Variants in DGCR8 observed in about 807,000 individuals in gnomAD.
The protein encoded by DGCR8 is microprocessor complex subunit DGCR8.
A neutral mutation model predicts 78.5 loss-of-function variants in DGCR8; 14 were observed. The observed-to-expected ratio is 0.18, with a 90% CI of 0.12 to 0.28. The LOEUF (loss-of-function observed/expected upper bound fraction) is 0.28. DGCR8 is among the 10% of genes least tolerant of loss of function. The pLI, the probability that DGCR8 is intolerant of heterozygous loss-of-function variation, is 1.00. For missense variants in DGCR8, 702 were observed against 1,022.5 expected (o/e 0.69, Z 4.28); for synonymous variants, 399 against 402.4 (o/e 0.99, Z 0.10).
At chr22:20,100,464 A>G (rs2049684680) in intron 9 of DGCR8, 1 of 985,242 alleles carries the variant, frequency 1.0e-6, no homozygotes, top group Non-Finnish European at 1.2e-6. Flanking sequence ...ACCCTGGCCC[A>G]CCAAAACTCT....
Position 20,110,454 on chromosome 22 carries a change from C to G in DGCR8, c.*346C>G, listed in dbSNP as rs565598322. On this transcript the variant is annotated 3_prime_UTR_variant, in exon 14 of 14. Coordinates refer to ENST00000351989, the MANE Select transcript of DGCR8 (RefSeq NM_022720.7). Reference sequence around the variant, plus strand: ...CTTTCATGAATTTTAGTATGTAATACGCACTGACGACACATGATGCTTGGA... The same window carrying G: ...CTTTCATGAATTTTAGTATGTAATAGGCACTGACGACACATGATGCTTGGA... 1.7e-5 allele frequency: 4 copies of G among 234,504 alleles called. No individual in the cohort carries two copies. Among genetic ancestry groups the G allele is most frequent in the African/African-American group, 9.1e-5 (4 of 43,966 alleles). The allele number at this position is 234,504 out of a possible 1,614,324, so 14.5% of individuals were successfully genotyped here. A position where few individuals can be genotyped will look rare whatever the true frequency, so the allele number is the denominator to read the frequency against.
intron 9 of DGCR8, among the ~76,000 whole-genome samples, chr22:20,095,268 G>T (rs2049614686): frequency 6.6e-6 from 1 of 152,084 alleles, no homozygotes; most frequent in South Asian, 2.1e-4. Context: ...ACCATTTCTG[G>T]CTAATTTTTG....
chr22:20,105,554 CTG>C (rs1352812274), intron 9 of DGCR8, among the ~76,000 whole-genome samples: 2 of 152,256 alleles, frequency 1.3e-5, no homozygotes, highest in Non-Finnish European at 2.9e-5. Context: ...CTATGCCTCA[CTG>C]TGTGGAATCT....
chr22:20,087,094 T>C lies in DGCR8; in HGVS notation c.721-68T>C. ...TTTCTGTGTCTGTTCTCAGGAATGC[T>C]GTTGAGCTCTCCTGTTGCAGGAGCA... is the stretch of plus-strand genomic sequence containing the variant. On this transcript the variant is annotated intron_variant, in intron 2 of 13. Transcript: ENST00000351989. This position sits in a 1 kb window ranked among gnomAD's most constrained non-coding sequence, Gnocchi z 4.1. 9 of 1,542,830 alleles carry C rather than the reference T, an allele frequency of 5.8e-6. No homozygotes were observed. The highest frequency in any genetic ancestry group is 1.2e-5 in the South Asian group (1 of 80,594).
Position 20,086,120 on chromosome 22 carries a change from T to G in DGCR8, c.157T>G (p.Ser53Ala). The change falls in exon 2 of 14, where the codon TCT becomes GCT. Residue 53 changes from serine (S) to alanine (A), a missense_variant. Around this residue, in one of 4 missense-constraint regions of DGCR8, gnomAD observed 356 missense variants for 448.9 expected, o/e 0.79. Transcript: ENST00000351989. The surrounding 1 kb of genome is among the most constrained non-coding windows in gnomAD (Gnocchi z 6.4). ...TGGTGCAGAGGTAATGGACGTTGGCTCTGGTGGTGATGGACAGTCCGAACT... is the reference window on the plus strand; with the variant it reads ...TGGTGCAGAGGTAATGGACGTTGGCGCTGGTGGTGATGGACAGTCCGAACT... ...SSGAEVMDVGSGGDGQSELPA... is the reference protein window; with the variant it reads ...SSGAEVMDVGAGGDGQSELPA... 1 of 1,614,080 alleles carries G rather than the reference T, an allele frequency of 6.2e-7. No individual in the cohort carries two copies. Among genetic ancestry groups the G allele is most frequent in the Non-Finnish European group, 8.5e-7 (1 of 1,180,010 alleles).
At position 20,089,770 on chromosome 22, in the gene DGCR8, A is replaced by G; in HGVS notation, c.982A>G (p.Thr328Ala). The change falls in exon 4 of 14, where the codon ACC (threonine) becomes GCC (alanine). Residue 328 changes from threonine to alanine, a missense_variant. This residue lies in a region of DGCR8 where 356 missense variants were observed against 448.9 expected (regional missense o/e 0.79). Transcript: ENST00000351989. The surrounding 1 kb of genome is among the most constrained non-coding windows in gnomAD (Gnocchi z 4.9). ...VYLHRESRVVTWSRPYFLGTG... is the reference protein window; with the variant it reads ...VYLHRESRVVAWSRPYFLGTG... ...CCTACACAGAGAGTCTCGGGTGGTC[A>G]CCTGGTCCAGGCCATACTTCTTGGG... 6.2e-7 allele frequency: 1 copy of G among 1,613,840 alleles called. No individual in the cohort carries two copies. The highest frequency in any genetic ancestry group is 8.5e-7 in the Non-Finnish European group (1 of 1,179,966).
intron 9 of DGCR8, among the ~76,000 whole-genome samples, chr22:20,104,348 T>C (rs988076046): frequency 5.9e-5 from 9 of 151,936 alleles, no homozygotes; most frequent in Admixed American, 1.3e-4. Flanking sequence ...TTTGTATTTT[T>C]AGTAGAGACG....
At chr22:20,106,725 T>C in intron 11 of DGCR8, 27 bp downstream of exon 11, 1 of 1,552,838 alleles carries the variant, frequency 6.4e-7, no homozygotes, top group Non-Finnish European at 8.9e-7. Context: ...TGCTGCCTGG[T>C]GGCCGCTGGG....
intron 7 of DGCR8, 68 bp downstream of exon 7, chr22:20,092,038 G>A: frequency 7.9e-7 from 1 of 1,261,042 alleles, no homozygotes; most frequent in Non-Finnish European, 1.1e-6. Context: ...GGGCTGGGGA[G>A]GCAGGCGCTG....
In DGCR8 at chr22:20,087,411, G is replaced by C; in HGVS notation, c.880+90G>C. The C allele has an allele frequency of 6.9e-7, 1 of 1,442,992 alleles. No individual in the cohort carries two copies. The allele number at this position is 1,442,992 out of a possible 1,614,324, so 89.4% of individuals were successfully genotyped here. ...AGAAATGCTTTGAGAGAGCTCTGGT[G>C]CCAGGTAGTGGGCTGGGTGGAGGCA... On this transcript the variant is annotated intron_variant, in intron 3 of 13. Coordinates refer to ENST00000351989, the MANE Select transcript of DGCR8 (RefSeq NM_022720.7). The surrounding 1 kb of genome is among the most constrained non-coding windows in gnomAD (Gnocchi z 4.1).
chr22:20,105,122 A>C (rs2049754319), intron 9 of DGCR8, among the ~76,000 whole-genome samples: 1 of 152,216 alleles, frequency 6.6e-6, no homozygotes, highest in Admixed American at 6.5e-5. Context: ...GAATTAGGTT[A>C]ACATGAGATC....
At chr22:20,083,771 C>T (rs2049444843) in intron 1 of DGCR8, among the ~76,000 whole-genome samples, 1 of 152,088 alleles carries the variant, frequency 6.6e-6, no homozygotes, top group Admixed American at 6.6e-5. Context: ...TGGCACTGGG[C>T]GCATTGACCC....
Position 20,106,381 on chromosome 22 carries a change from G to T in DGCR8, c.1889+104G>T, listed in dbSNP as rs962712833. The T allele has an allele frequency of 9.7e-6, 10 of 1,034,564 alleles. No homozygotes were observed. The African/African-American group carries it at 1.4e-4, about 15-fold the overall frequency. The allele number at this position is 1,034,564 out of a possible 1,614,324, so 64.1% of individuals were successfully genotyped here. On this transcript the variant is annotated intron_variant, in intron 10 of 13. Transcript: ENST00000351989. ...TGTCCCAAGGCAGAGGCATGGCCAGGTTTCCCTGGGTACACAGCAGCCCCT... is the reference window on the plus strand; with the variant it reads ...TGTCCCAAGGCAGAGGCATGGCCAGTTTTCCCTGGGTACACAGCAGCCCCT...
intron 9 of DGCR8, chr22:20,101,441 G>A: frequency 2.3e-5 from 15 of 661,540 alleles, no homozygotes; most frequent in Non-Finnish European, 2.8e-5. Context: ...AGCCGGGCAT[G>A]GTGGTGGGCG....
At chr22:20,088,200 G>C (rs995621162) in intron 3 of DGCR8, among the ~76,000 whole-genome samples, 1 of 152,176 alleles carries the variant, frequency 6.6e-6, no homozygotes, top group African/African-American at 2.4e-5. Flanking sequence ...ATGTCGTGTT[G>C]GTAGCAGTTA....
At chr22:20,103,774 G>A (rs2049735087) in intron 9 of DGCR8, among the ~76,000 whole-genome samples, 1 of 152,208 alleles carries the variant, frequency 6.6e-6, no homozygotes, top group African/African-American at 2.4e-5. Context: ...TAATGGGAAA[G>A]TTTTAAACTA....
intron 1 of DGCR8, chr22:20,084,882 C>G (rs772644404): frequency 9.8e-6 from 7 of 717,624 alleles, no homozygotes; most frequent in Non-Finnish European, 1.2e-5. Flanking sequence ...TGGGTCTCCC[C>G]TCTCAAGTAG....
intron 9 of DGCR8, among the ~76,000 whole-genome samples, chr22:20,102,386 T>TTTG (rs1258599867): frequency 6.6e-6 from 1 of 152,150 alleles, no homozygotes; most frequent in Non-Finnish European, 1.5e-5. Flanking sequence ...CGTGTGGTCA[T>TTTG]TTGTACTCCT....
In DGCR8 at chr22:20,085,437, A is replaced by G. The variant is rs1295686360; in HGVS notation, c.-277-250A>G. On this transcript the variant is annotated intron_variant, in intron 1 of 13. Transcript: ENST00000351989. The surrounding 1 kb of genome is among the most constrained non-coding windows in gnomAD (Gnocchi z 6.2). ...TATTTTTTGAGCCTTATGATTATAT[A>G]GTTTTTGTGTTTCTGAAGTAGGAAT... 6.6e-6 allele frequency among the ~76,000 whole-genome samples: 1 copy of G among 152,184 alleles called. No individual in the cohort carries two copies. Among genetic ancestry groups the G allele is most frequent in the Non-Finnish European group, 1.5e-5 (1 of 68,036 alleles).
Sources: gnomAD v4.1 joint callset for allele counts (sites outside exome capture counted in the v4.1 genomes callset) on GRCh38, gnomAD v4.1.1 for gene constraint, gnomAD v4.1.1 regional missense constraint, Gnocchi (gnomAD v3.1) non-coding constraint, MANE v1.5 for transcripts, NCBI Gene and HGNC (gene_info 2026-07-23, HGNC 2026-07-21) for gene names.